Variants in CLYBL observed in about 807,000 individuals in gnomAD.
CLYBL encodes citramalyl-CoA lyase, mitochondrial.
In CLYBL, 31 loss-of-function variants were observed where a neutral mutation model predicts 38.9. The observed-to-expected ratio is 0.80, with a 90% CI of 0.60 to 1.08. CLYBL has a LOEUF of 1.08. Among genes scored for constraint, CLYBL ranks in the 50% least tolerant of loss-of-function variants. The pLI, the probability that CLYBL is intolerant of heterozygous loss-of-function variation, is 0.00. For synonymous variants in CLYBL, 171 were observed against 158.6 expected (o/e 1.08, Z -0.59); for missense variants, 434 against 411.6 (o/e 1.05, Z -0.47).
At chr13:99,754,492 G>T (rs1443573923) in intron 1 of CLYBL, among the ~76,000 whole-genome samples, 2 of 150,570 alleles carry the variant, frequency 1.3e-5, no homozygotes, top group East Asian at 3.9e-4. Context: ...AACTCCTGGG[G>T]TCAAGCAATC....
chr13:99,770,536 C>A (rs367703098), intron 1 of CLYBL, among the ~76,000 whole-genome samples: 1 of 152,074 alleles, frequency 6.6e-6, no homozygotes, highest in Non-Finnish European at 1.5e-5. Context: ...CGAGGATATT[C>A]TGGATCTCCT....
chr13:99,907,339 T>C (rs973486671), intron 9 of CLYBL, among the ~76,000 whole-genome samples: 1 of 152,082 alleles, frequency 6.6e-6, no homozygotes, highest in African/African-American at 2.4e-5. Flanking sequence ...AATGAGTTAA[T>C]ACATACAAAG....
rs529258205 is a variant in CLYBL, at chr13:99,717,299, A to G, written c.63-55525A>G. On this transcript the variant is annotated intron_variant, in intron 1 of 8. Transcript: ENST00000339105. ...AAATTAGCTGGGTGTGGTGGTGCAC[A>G]CATGCAATTCCAGCTACTCGGGAGG... Among the ~76,000 whole-genome samples the G allele has an allele frequency of 5.3e-5, 8 of 151,348 alleles. 1 individual carries two copies. In the South Asian group the frequency reaches 1.7e-3, roughly 32 times the overall value.
At chr13:99,803,841 C>T (rs532923744) in intron 2 of CLYBL, among the ~76,000 whole-genome samples, 24 of 152,186 alleles carry the variant, frequency 1.6e-4, no homozygotes, top group Admixed American at 5.2e-4. Flanking sequence ...TAGACATTCG[C>T]GGTCACACTA....
At chr13:99,906,229 A>T (rs1200966956) in intron 9 of CLYBL, among the ~76,000 whole-genome samples, 1 of 152,222 alleles carries the variant, frequency 6.6e-6, no homozygotes, top group East Asian at 1.9e-4. Flanking sequence ...TAAACAATAA[A>T]ATAAGTAAAT....
chr13:99,663,608 A>C (rs2047439626), intron 1 of CLYBL, among the ~76,000 whole-genome samples: 1 of 152,204 alleles, frequency 6.6e-6, no homozygotes, highest in Admixed American at 6.5e-5. Context: ...GAGACCAAGC[A>C]TCGATACTGT....
intron 1 of CLYBL, among the ~76,000 whole-genome samples, chr13:99,696,420 G>A (rs757091884): frequency 2.6e-5 from 4 of 151,806 alleles, no homozygotes; most frequent in African/African-American, 4.8e-5. Flanking sequence ...TATAGAGACA[G>A]GGTCTCCCTG....
At chr13:99,827,200 G>A (rs1023608963) in intron 2 of CLYBL, among the ~76,000 whole-genome samples, 3 of 152,192 alleles carry the variant, frequency 2.0e-5, no homozygotes, top group Non-Finnish European at 4.4e-5. Context: ...GCAGTTCCCA[G>A]TGGGGTTACG....
chr13:99,742,349 T>C (rs2048771522), intron 1 of CLYBL, among the ~76,000 whole-genome samples: 2 of 152,236 alleles, frequency 1.3e-5, no homozygotes, highest in South Asian at 4.1e-4. Context: ...CTATTTTTAT[T>C]ATAAAAGGGG....
At chr13:99,780,517 A>T (rs2049620475) in intron 2 of CLYBL, among the ~76,000 whole-genome samples, 1 of 151,872 alleles carries the variant, frequency 6.6e-6, no homozygotes, top group Admixed American at 6.6e-5. Flanking sequence ...AGTAGCTGAG[A>T]CTACAGGCGC....
intron 2 of CLYBL, among the ~76,000 whole-genome samples, chr13:99,839,971 C>T (rs1357186190): frequency 8.5e-5 from 12 of 141,268 alleles, no homozygotes; most frequent in African/African-American, 3.2e-4. Flanking sequence ...CACCCACCCG[C>T]ACTCCCCACA....
chr13:99,719,993 C>G (rs981907149), intron 1 of CLYBL, among the ~76,000 whole-genome samples: 1 of 151,944 alleles, frequency 6.6e-6, no homozygotes, highest in Non-Finnish European at 1.5e-5. Flanking sequence ...CTAATGTAAT[C>G]AAATTTGGTT....
intron 1 of CLYBL, among the ~76,000 whole-genome samples, chr13:99,693,662 G>T (rs1594123431): frequency 6.6e-6 from 1 of 151,986 alleles, no homozygotes; most frequent in Non-Finnish European, 1.5e-5. Flanking sequence ...GTATTTGGGG[G>T]CACACTCCCT....
At chr13:99,709,029 G>T (rs1016489874) in intron 1 of CLYBL, among the ~76,000 whole-genome samples, 1 of 151,956 alleles carries the variant, frequency 6.6e-6, no homozygotes, top group African/African-American at 2.4e-5. Context: ...GGGGGCGGAG[G>T]TTCCAGTGAA....
chr13:99,866,493 C>T (rs2139232478), intron 6 of CLYBL, 86 bp downstream of exon 6: 4 of 1,118,738 alleles, frequency 3.6e-6, no homozygotes, highest in South Asian at 1.5e-5. Flanking sequence ...CCCCTAATCT[C>T]ATCAGATATC....
intron 1 of CLYBL, among the ~76,000 whole-genome samples, chr13:99,769,401 C>A (rs1393641081): frequency 1.3e-5 from 2 of 152,164 alleles, no homozygotes; most frequent in Non-Finnish European, 2.9e-5. Flanking sequence ...GCTTTCTACT[C>A]CACCATCTTC....
intron 2 of CLYBL, among the ~76,000 whole-genome samples, chr13:99,841,668 G>A (rs941220750): frequency 1.3e-5 from 2 of 152,194 alleles, no homozygotes; most frequent in African/African-American, 2.4e-5. Flanking sequence ...CCAAAGTGCC[G>A]GCATCACAGG....
At chr13:99,776,942 C>G (rs1474326873) in intron 2 of CLYBL, among the ~76,000 whole-genome samples, 2 of 151,764 alleles carry the variant, frequency 1.3e-5, no homozygotes, top group Non-Finnish European at 1.5e-5. Context: ...GTGGTGCGAT[C>G]TCGGCTCACT....
intron 1 of CLYBL, among the ~76,000 whole-genome samples, chr13:99,743,809 T>C (rs2048798318): frequency 6.6e-6 from 1 of 152,186 alleles, no homozygotes; most frequent in African/African-American, 2.4e-5. Context: ...TTGTAATAAA[T>C]TGTAATTACA....
Sources: allele counts gnomAD v4.1 joint callset (sites outside exome capture counted in the v4.1 genomes callset), GRCh38; gene constraint gnomAD v4.1.1; transcripts MANE v1.5; gene names NCBI Gene and HGNC (gene_info 2026-07-23, HGNC 2026-07-21).